MAP2K3: variants seen among roughly 807,000 people sequenced by gnomAD.
The protein encoded by MAP2K3 is mitogen-activated protein kinase kinase 3, also known as dual specificity mitogen-activated protein kinase kinase 3.
MAP2K3 carries 30 observed loss-of-function variants against 46.4 expected under a neutral mutation model. The observed-to-expected ratio is 0.65, with a 90% CI of 0.48 to 0.88. The LOEUF is 0.88. Among genes scored for constraint, MAP2K3 ranks in the 40% least tolerant of loss-of-function variants. The pLI is 0.00. For missense variants in MAP2K3, 380 were observed against 464.5 expected (o/e 0.82, Z 1.67); for synonymous variants, 189 against 176.3 (o/e 1.07, Z -0.57).
At chr17:21,301,967 A>G (rs1196120327) in intron 5 of MAP2K3, among the ~76,000 whole-genome samples, 176 bp from the exon 6 acceptor site, 1 of 121,370 alleles carries the variant, frequency 8.2e-6, no homozygotes, top group African/African-American at 3.2e-5. Context: ...GCAGAGTTGG[A>G]GGGTGGGGGA....
At chr17:21,306,748 G>T (rs1306621077) in intron 9 of MAP2K3, among the ~76,000 whole-genome samples, 1 of 151,980 alleles carries the variant, frequency 6.6e-6, no homozygotes, top group East Asian at 1.9e-4. Flanking sequence ...CTCGCAAAGT[G>T]CTGTGATTAC....
intron 1 of MAP2K3, chr17:21,296,141 C>A (rs555909811): frequency 1.6e-6 from 2 of 1,289,444 alleles, no homozygotes; most frequent in African/African-American, 3.0e-5. Context: ...TCCCCATCTG[C>A]GCAGTGAACC....
At chr17:21,300,199 G>C (rs1976511871) in intron 3 of MAP2K3, among the ~76,000 whole-genome samples, 1 of 152,312 alleles carries the variant, frequency 6.6e-6, no homozygotes, top group Non-Finnish European at 1.5e-5. Flanking sequence ...TTGGTAAACA[G>C]TTTCTGAATG....
At chr17:21,291,580 C>T (rs1262087223) in intron 1 of MAP2K3, 3 of 456,530 alleles carry the variant, frequency 6.6e-6, no homozygotes, top group Non-Finnish European at 1.3e-5. Flanking sequence ...TCTGGGAGGG[C>T]TGAGCATCAC....
chr17:21,303,059 C>A, intron 6 of MAP2K3, 124 bp from the exon 7 acceptor site: 4 of 1,275,428 alleles, frequency 3.1e-6, no homozygotes, highest in Non-Finnish European at 3.3e-6. Flanking sequence ...TGAGAGGGTG[C>A]GTAGCCTGTG....
chr17:21,289,040 T>C (rs1975805298), intron 1 of MAP2K3, among the ~76,000 whole-genome samples: 1 of 152,242 alleles, frequency 6.6e-6, no homozygotes, highest in Non-Finnish European at 1.5e-5. Context: ...ATTGTTACTT[T>C]TGTGGGTGTA....
chr17:21,306,206 C>T (rs919251641), intron 9 of MAP2K3, among the ~76,000 whole-genome samples: 7 of 152,196 alleles, frequency 4.6e-5, no homozygotes, highest in African/African-American at 1.7e-4. Context: ...TTGGAAGTAG[C>T]GGGTCTCCCA....
intron 7 of MAP2K3, 74 bp from the exon 8 acceptor site, chr17:21,304,352 C>T: frequency 6.2e-7 from 1 of 1,610,296 alleles, no homozygotes; most frequent in Middle Eastern, 1.7e-4. Context: ...GAGGGGGGCA[C>T]AGCTATGCAG....
At chr17:21,291,106 T>C (rs1482467390) in intron 1 of MAP2K3, among the ~76,000 whole-genome samples, 1 of 152,294 alleles carries the variant, frequency 6.6e-6, no homozygotes, top group Admixed American at 6.5e-5. Flanking sequence ...TAACCGGGCG[T>C]GGTGGCAGGT....
chr17:21,305,192 G>A (rs1976833504), intron 9 of MAP2K3, 64 bp downstream of exon 9: 1 of 1,603,806 alleles, frequency 6.2e-7, no homozygotes, highest in African/African-American at 1.3e-5. Flanking sequence ...CGTGCCTGGG[G>A]CCCTGAGCTT....
At chr17:21,311,173 C>A (rs1445956820) in intron 9 of MAP2K3, among the ~76,000 whole-genome samples, 27 of 152,184 alleles carry the variant, frequency 1.8e-4, no homozygotes, top group Non-Finnish European at 5.9e-5. Context: ...TGTCCGGGCT[C>A]CAGTTGCCAG....
chr17:21,299,187 GC>G (rs1266009117), intron 3 of MAP2K3, among the ~76,000 whole-genome samples: 5 of 152,402 alleles, frequency 3.3e-5, no homozygotes, highest in African/African-American at 1.2e-4. Flanking sequence ...TGAGCTGAGA[GC>G]AAGGCCCTGC....
rs1455716255 is a variant in MAP2K3 at position 21,300,993 on chromosome 17, G to A, written c.399G>A (p.Glu133=). The A allele has an allele frequency of 1.9e-6, 3 of 1,614,142 alleles. No individual in the cohort carries two copies. Among genetic ancestry groups the A allele is most frequent in the Non-Finnish European group, 2.5e-6 (3 of 1,180,004 alleles). The change falls in exon 5 of 12, where the codon GAG becomes GAA. Residue 133 remains glutamate, a splice_region_variant and synonymous_variant. Transcript: ENST00000342679. ...CCTTCTACGGGGCACTATTCAGAGA[G>A]GTGCGTCCTTGCATGATGCAGCTGG... ...TVTFYGALFR[E]GDVWICMELM... is the part of the protein sequence containing the mutation.
intron 3 of MAP2K3, among the ~76,000 whole-genome samples, chr17:21,299,914 G>A (rs1976493858): frequency 6.6e-6 from 1 of 152,304 alleles, no homozygotes; most frequent in South Asian, 2.1e-4. Flanking sequence ...CCCAGGAGGT[G>A]GAGGTTGCAG....
intron 1 of MAP2K3, among the ~76,000 whole-genome samples, chr17:21,293,003 A>G (rs1976028394): frequency 6.6e-6 from 1 of 152,310 alleles, no homozygotes; most frequent in Non-Finnish European, 1.5e-5. Flanking sequence ...GAGAGGATCA[A>G]ATGAGATGTA....
intron 1 of MAP2K3, among the ~76,000 whole-genome samples, chr17:21,296,820 G>A (rs1209069450): frequency 2.6e-5 from 4 of 152,310 alleles, no homozygotes; most frequent in East Asian, 1.9e-4. Context: ...AGATAAAAAC[G>A]CTGCGCACAG....
At chr17:21,310,692 G>C (rs1385608101) in intron 9 of MAP2K3, among the ~76,000 whole-genome samples, 2 of 152,252 alleles carry the variant, frequency 1.3e-5, no homozygotes, top group African/African-American at 4.8e-5. Flanking sequence ...TGTTGTCGCT[G>C]GGGAGTCACA....
intron 1 of MAP2K3, chr17:21,296,276 A>G (rs1976245507): frequency 1.9e-6 from 2 of 1,049,250 alleles, no homozygotes; most frequent in Non-Finnish European, 2.6e-6. Context: ...GGAGGGCACC[A>G]TGCCAGGGTC....
chr17:21,294,875 C>T (rs1474228750), intron 1 of MAP2K3, among the ~76,000 whole-genome samples: 1 of 152,312 alleles, frequency 6.6e-6, no homozygotes, highest in African/African-American at 2.4e-5. Flanking sequence ...TGAGGGCACA[C>T]AGCTAGGAAG....
Sources: allele counts gnomAD v4.1 joint callset (sites outside exome capture counted in the v4.1 genomes callset), GRCh38; gene constraint gnomAD v4.1.1; transcripts MANE v1.5; gene names NCBI Gene and HGNC (gene_info 2026-07-23, HGNC 2026-07-21).